NDST4: variants seen among roughly 807,000 people sequenced by gnomAD.
The protein encoded by NDST4 is N-heparan sulfate sulfotransferase 4.
A neutral mutation model predicts 100.8 loss-of-function variants in NDST4; 63 were observed. The ratio of observed to expected loss-of-function variants is 0.62; its 90% confidence interval spans 0.51 to 0.77. NDST4 has a LOEUF of 0.77. NDST4 is among the 30% of genes least tolerant of loss of function. The probability of loss-of-function intolerance (pLI) is 0.00; values close to 1 mark genes in which losing one functional copy is unlikely to be tolerated. For synonymous variants in NDST4, 377 were observed against 361.8 expected, an observed-to-expected ratio of 1.04 and a Z score of -0.48; for missense variants, 943 against 1,018.4, an observed-to-expected ratio of 0.93 and a Z score of 1.01.
chr4:115,067,582 T>C (rs1728976921), intron 2 of NDST4, among the ~76,000 whole-genome samples: 1 of 151,946 alleles, frequency 6.6e-6, no homozygotes, highest in African/African-American at 2.4e-5. Flanking sequence ...TTTTATTTTA[T>C]AATAGGTTTC....
chr4:114,845,298 C>T (rs1483142764), intron 10 of NDST4, among the ~76,000 whole-genome samples: 2 of 152,100 alleles, frequency 1.3e-5, no homozygotes, highest in African/African-American at 2.4e-5. Context: ...CGCCACTGCA[C>T]GCCAGCCTGG....
rs547015687 is a variant in NDST4 at position 114,974,229 on chromosome 4, G to C, written c.1066+2958C>G. On this transcript the variant is annotated intron_variant, in intron 3 of 13. Transcript: ENST00000264363. ...GAATCTGGATTTGAACATCAAGTTT[G>C]TTACCAATATCAGGTCTTTTAACTA... is the stretch of plus-strand genomic sequence containing the variant. Among the ~76,000 whole-genome samples, 390 of 151,652 alleles carry C rather than the reference G, an allele frequency of 2.6e-3. 2 individuals are homozygous for C. The highest frequency in any genetic ancestry group is 9.1e-3 in the African/African-American group (378 of 41,316).
intron 8 of NDST4, among the ~76,000 whole-genome samples, 185 bp downstream of exon 8, chr4:114,852,540 T>C (rs992356989): frequency 6.6e-6 from 1 of 152,180 alleles, no homozygotes; most frequent in Non-Finnish European, 1.5e-5. Context: ...TGGGAAACTT[T>C]AAGATCCTCT....
intron 4 of NDST4, among the ~76,000 whole-genome samples, chr4:114,956,753 GAA>G (rs35469679): frequency 0.13 from 19,525 of 152,058 alleles, 1,714 homozygotes; most frequent in East Asian, 0.43. Context: ...CACTTCAAGT[GAA>G]AGAGTCACTT....
At chr4:114,866,911 C>T (rs1409643457) in intron 7 of NDST4, among the ~76,000 whole-genome samples, 1 of 152,118 alleles carries the variant, frequency 6.6e-6, no homozygotes, top group Non-Finnish European at 1.5e-5. Flanking sequence ...TCAGATCCTT[C>T]TAAAGTGAGG....
At chr4:115,078,830 ACT>A (rs1729243512) in intron 1 of NDST4, among the ~76,000 whole-genome samples, 3 of 151,682 alleles carry the variant, frequency 2.0e-5, no homozygotes, top group East Asian at 3.9e-4. Context: ...ATAGAGCAAA[ACT>A]CTCTTCCGCC....
At chr4:114,994,156 G>A (rs1727109881) in intron 2 of NDST4, among the ~76,000 whole-genome samples, 1 of 151,728 alleles carries the variant, frequency 6.6e-6, no homozygotes, top group Non-Finnish European at 1.5e-5. Flanking sequence ...CGTGATCTTA[G>A]CAAGAAAAAA....
intron 4 of NDST4, among the ~76,000 whole-genome samples, chr4:114,946,758 A>G (rs1231409158): frequency 6.6e-6 from 1 of 152,192 alleles, no homozygotes; most frequent in African/African-American, 2.4e-5. Flanking sequence ...ATGCTTTTCC[A>G]GAGGCTGTGC....
intron 6 of NDST4, among the ~76,000 whole-genome samples, chr4:114,933,430 TCC>T (rs370797660): frequency 3.3e-5 from 4 of 120,822 alleles, no homozygotes; most frequent in African/African-American, 1.4e-4. Flanking sequence ...TTTTTTCTTT[TCC>T]TTTTTTTTTT....
chr4:114,985,265 G>A (rs977726712), intron 2 of NDST4, among the ~76,000 whole-genome samples: 3 of 152,154 alleles, frequency 2.0e-5, no homozygotes, highest in South Asian at 4.2e-4. Context: ...CACCAGTTAA[G>A]TATTTCGTTG....
chr4:115,071,293 C>T (rs1333209502), intron 2 of NDST4, among the ~76,000 whole-genome samples: 1 of 150,006 alleles, frequency 6.7e-6, no homozygotes, highest in African/African-American at 2.4e-5. Context: ...CACACACACA[C>T]ACACACACAC....
At chr4:115,074,607 A>T (rs1472792510) in intron 2 of NDST4, among the ~76,000 whole-genome samples, 1 of 152,136 alleles carries the variant, frequency 6.6e-6, no homozygotes, top group African/African-American at 2.4e-5. Context: ...TTTGGGTCAC[A>T]GTCAAGCAGT....
chr4:114,841,128 T>C (rs1444625059), intron 10 of NDST4, among the ~76,000 whole-genome samples: 2 of 152,212 alleles, frequency 1.3e-5, no homozygotes, highest in African/African-American at 2.4e-5. Context: ...CTGTTCTATG[T>C]TGACTTTTAC....
intron 1 of NDST4, among the ~76,000 whole-genome samples, chr4:115,079,738 T>G (rs1729262698): frequency 6.6e-6 from 1 of 152,150 alleles, no homozygotes; most frequent in Non-Finnish European, 1.5e-5. Context: ...AATTGGGGGA[T>G]CTGAGTGATG....
chr4:114,949,136 T>G (rs570029662), intron 4 of NDST4, among the ~76,000 whole-genome samples: 105 of 152,042 alleles, frequency 6.9e-4, no homozygotes, highest in Non-Finnish European at 1.3e-3. Context: ...CTAATTATGC[T>G]ATTATTGACC....
At chr4:115,020,046 T>C (rs1727776182) in intron 2 of NDST4, among the ~76,000 whole-genome samples, 2 of 152,082 alleles carry the variant, frequency 1.3e-5, no homozygotes, top group South Asian at 4.1e-4. Context: ...GTAGATGCGC[T>C]GTTGGAATTG....
chr4:115,039,721 C>G (rs1314252508), intron 2 of NDST4, among the ~76,000 whole-genome samples: 1 of 152,004 alleles, frequency 6.6e-6, no homozygotes. Flanking sequence ...AGAAAATCAA[C>G]TTAGACAAGA....
intron 6 of NDST4, among the ~76,000 whole-genome samples, chr4:114,915,147 C>G (rs1725143181): frequency 6.6e-6 from 1 of 152,134 alleles, no homozygotes; most frequent in African/African-American, 2.4e-5. Flanking sequence ...TTCAAATGTT[C>G]TTACCAACCT....
chr4:115,018,566 A>AT (rs1727739933), intron 2 of NDST4, among the ~76,000 whole-genome samples: 1 of 151,978 alleles, frequency 6.6e-6, no homozygotes, highest in African/African-American at 2.4e-5. Context: ...TAACTATTAT[A>AT]TTCAAATAAG....
Sources: gnomAD v4.1 joint callset for allele counts (sites outside exome capture counted in the v4.1 genomes callset) on GRCh38, gnomAD v4.1.1 for gene constraint, MANE v1.5 for transcripts, NCBI Gene and HGNC (gene_info 2026-07-23, HGNC 2026-07-21) for gene names.